The following CHD1L variants were observed in gnomAD, a reference collection of about 807,000 sequenced individuals.
The protein encoded by CHD1L is chromodomain helicase DNA binding protein 1 like.
CHD1L carries 118 observed loss-of-function variants against 115.9 expected under a neutral mutation model. That is an observed-to-expected ratio of 1.02 (90% CI 0.88 to 1.19). The LOEUF (loss-of-function observed/expected upper bound fraction) is 1.19, where lower values mean the gene tolerates loss of function less well. Ranked by LOEUF, CHD1L falls within the 50% of genes most tolerant of loss-of-function variation. The pLI is 0.00. For missense variants in CHD1L, 1,179 were observed against 1,065.3 expected (o/e 1.11, Z -1.49); for synonymous variants, 411 against 387.1 (o/e 1.06, Z -0.72).
At chr1:147,240,905 C>A (rs992767655), upstream of CHD1L, among the ~76,000 whole-genome samples, 1 of 152,184 alleles carries the variant, frequency 6.6e-6, no homozygotes, top group Non-Finnish European at 1.5e-5. Flanking sequence ...ACTAAGGGAA[C>A]TGAGGCTGGT....
At chr1:147,225,040 G>T in the CHD1L span, 16 of 1,614,104 alleles carry the variant, frequency 9.9e-6, no homozygotes, top group Non-Finnish European at 1.4e-5. Flanking sequence ...GGTCTCCCGA[G>T]ATCTTCACCT....
Position 147,280,253 on chromosome 1 carries a change from C to G in CHD1L, c.1705+62C>G, listed in dbSNP as rs2102824297. ...CACCCCAAGCTAGAGCTCACGTCCC[C>G]ATGGAAAGTTTTGGATGCTGCTCTC... On this transcript the variant is annotated intron_variant, in intron 15 of 22. Coordinates refer to ENST00000369258, the MANE Select transcript of CHD1L (RefSeq NM_004284.6). 4 of 1,488,030 alleles carry G rather than the reference C, an allele frequency of 2.7e-6. No homozygotes were observed. The East Asian group carries it at 9.3e-5, about 35-fold the overall frequency. The allele number at this position is 1,488,030 out of a possible 1,614,324, so 92.2% of individuals were successfully genotyped here.
chr1:147,238,293 A>G (rs1297407285), upstream of CHD1L, among the ~76,000 whole-genome samples: 2 of 152,200 alleles, frequency 1.3e-5, no homozygotes, highest in Non-Finnish European at 2.9e-5. Flanking sequence ...TACTTTGGTC[A>G]CAGCTTTTAT....
intron 1 of CHD1L, 172 bp downstream of exon 1, chr1:147,243,002 C>T: frequency 1.2e-6 from 1 of 801,702 alleles, no homozygotes; most frequent in Non-Finnish European, 1.7e-6. Flanking sequence ...GCTTGGTGGC[C>T]ACGGCCCCCG....
the CHD1L span, chr1:147,203,485 C>T: frequency 1.2e-6 from 1 of 847,072 alleles, no homozygotes; most frequent in Non-Finnish European, 2.1e-6. Flanking sequence ...AGTATCTAAT[C>T]CAACATTTTT....
At chr1:147,207,470 C>T in the CHD1L span, among the ~76,000 whole-genome samples, 2 of 152,120 alleles carry the variant, frequency 1.3e-5, no homozygotes, top group East Asian at 3.9e-4. Flanking sequence ...CTGAGGACCC[C>T]ATCCTTTGTA....
the CHD1L span, among the ~76,000 whole-genome samples, chr1:147,183,115 G>A: frequency 1.2e-4 from 18 of 152,214 alleles, no homozygotes; most frequent in East Asian, 1.9e-4. Flanking sequence ...GGAGAATGGC[G>A]TGAAGCCGGG....
intron 1 of CHD1L, among the ~76,000 whole-genome samples, chr1:147,249,704 A>G (rs782513456): frequency 2.1e-4 from 32 of 151,968 alleles, no homozygotes; most frequent in Non-Finnish European, 2.9e-4. Flanking sequence ...GCGCCCGGCA[A>G]TGTTTTGTTA....
At chr1:147,226,135 T>A in the CHD1L span, among the ~76,000 whole-genome samples, 9 of 151,956 alleles carry the variant, frequency 5.9e-5, no homozygotes, top group Non-Finnish European at 1.2e-4. Flanking sequence ...TTTTTGCTTT[T>A]TCTCTCCTCC....
chr1:147,225,577 C>G, the CHD1L span: 267 of 155,332 alleles, frequency 1.7e-3, 2 homozygotes, highest in African/African-American at 6.2e-3. Context: ...CAATTACTTT[C>G]TCTGAAACCC....
chr1:147,181,347 T>C, the CHD1L span, among the ~76,000 whole-genome samples: 1 of 152,326 alleles, frequency 6.6e-6, no homozygotes, highest in African/African-American at 2.4e-5. Flanking sequence ...TTGCTTTTCT[T>C]CTGGGAGTCT....
At chr1:147,263,428 C>CAAAA (rs587643353) in intron 6 of CHD1L, among the ~76,000 whole-genome samples, 8 of 124,470 alleles carry the variant, frequency 6.4e-5, no homozygotes, top group African/African-American at 1.8e-4. Flanking sequence ...GACCCTGTCT[C>CAAAA]AAAAAAAAAA....
chr1:147,217,364 TGAG>T, the CHD1L span, among the ~76,000 whole-genome samples: 1 of 152,224 alleles, frequency 6.6e-6, no homozygotes, highest in Non-Finnish European at 1.5e-5. Flanking sequence ...ATTTCACAAA[TGAG>T]GAGTTTTCAA....
the CHD1L span, among the ~76,000 whole-genome samples, chr1:147,233,471 G>A: frequency 2.7e-4 from 11 of 40,544 alleles, no homozygotes; most frequent in Admixed American, 7.7e-4. Flanking sequence ...GGAGGGAGGT[G>A]GGGGGGGTCA....
chr1:147,200,791 A>T, the CHD1L span, among the ~76,000 whole-genome samples: 2 of 152,186 alleles, frequency 1.3e-5, no homozygotes, highest in Non-Finnish European at 2.9e-5. Context: ...TTACTTCAGA[A>T]ATATATGCCA....
At chr1:147,184,721 T>G in the CHD1L span, 5 of 1,331,530 alleles carry the variant, frequency 3.8e-6, no homozygotes, top group Non-Finnish European at 4.9e-6. This position sits in a 1 kb window ranked among gnomAD's most constrained non-coding sequence, Gnocchi z 4.4. Context: ...CAGTGTGACT[T>G]ATTACTGTTA....
chr1:147,195,646 A>T, the CHD1L span, among the ~76,000 whole-genome samples: 1 of 152,174 alleles, frequency 6.6e-6, no homozygotes, highest in African/African-American at 2.4e-5. Context: ...ATAGTATTTA[A>T]GCCAGTATGA....
intron 14 of CHD1L, 130 bp from the exon 15 acceptor site, chr1:147,279,896 G>C: frequency 1.2e-6 from 1 of 841,936 alleles, no homozygotes; most frequent in Non-Finnish European, 1.9e-6. Flanking sequence ...ATGATGGGGA[G>C]AGCAGAAAGG....
At chr1:147,191,914 C>A in the CHD1L span, among the ~76,000 whole-genome samples, 1 of 152,024 alleles carries the variant, frequency 6.6e-6, no homozygotes, top group South Asian at 2.1e-4. Flanking sequence ...GTTACTGTAG[C>A]CTTGTAGTAT....
Sources: gnomAD v4.1 joint callset for allele counts (sites outside exome capture counted in the v4.1 genomes callset) on GRCh38, gnomAD v4.1.1 for gene constraint, Gnocchi (gnomAD v3.1) non-coding constraint, MANE v1.5 for transcripts, NCBI Gene and HGNC (gene_info 2026-07-23, HGNC 2026-07-21) for gene names.